ADISSP: variants seen among roughly 807,000 people sequenced by gnomAD.
The protein encoded by ADISSP is adipose-secreted signaling protein.
chr20:3,756,139 G>T, the ADISSP span, among the ~76,000 whole-genome samples: 6 of 152,206 alleles, frequency 3.9e-5, no homozygotes, highest in African/African-American at 1.4e-4. Flanking sequence ...TGGGATGAGG[G>T]ATGGGATCAA....
chr20:3,765,901 T>C, the ADISSP span, among the ~76,000 whole-genome samples: 1 of 151,936 alleles, frequency 6.6e-6, no homozygotes, highest in Non-Finnish European at 1.5e-5. Context: ...GCAAAAAAAA[T>C]TATACCCTTC....
chr20:3,762,461 C>T, the ADISSP span, among the ~76,000 whole-genome samples: 1 of 152,056 alleles, frequency 6.6e-6, no homozygotes, highest in African/African-American at 2.4e-5. Context: ...ACCGTAATCT[C>T]CCAGGCTCAA....
At chr20:3,761,338 T>TG in the ADISSP span, among the ~76,000 whole-genome samples, 4 of 149,204 alleles carry the variant, frequency 2.7e-5, no homozygotes, top group Admixed American at 2.7e-4. Context: ...TGGTTTTTGT[T>TG]TTTTTTTTTT....
chr20:3,762,328 A>G, the ADISSP span, among the ~76,000 whole-genome samples: 1 of 152,064 alleles, frequency 6.6e-6, no homozygotes. Context: ...TCTAGATAGG[A>G]AAGCAGCAAA....
the ADISSP span, among the ~76,000 whole-genome samples, chr20:3,762,492 T>G: frequency 6.6e-6 from 1 of 152,084 alleles, no homozygotes; most frequent in East Asian, 1.9e-4. Context: ...CACCCCAGCC[T>G]GCCAAGTAGC....
the ADISSP span, chr20:3,758,548 G>T: frequency 1.9e-6 from 3 of 1,613,604 alleles, no homozygotes; most frequent in Non-Finnish European, 1.7e-6. The surrounding 1 kb of genome is among the most constrained non-coding windows in gnomAD (Gnocchi z 5.5). Flanking sequence ...TGACCAGAAA[G>T]CTGCTGTCAC....
the ADISSP span, chr20:3,754,606 A>T: frequency 7.4e-6 from 10 of 1,343,392 alleles, no homozygotes; most frequent in Non-Finnish European, 1.1e-5. Context: ...ACCCACCACC[A>T]TGGGGGGACT....
chr20:3,759,183 G>A, the ADISSP span, among the ~76,000 whole-genome samples: 1 of 152,160 alleles, frequency 6.6e-6, no homozygotes, highest in African/African-American at 2.4e-5. This position sits in a 1 kb window ranked among gnomAD's most constrained non-coding sequence, Gnocchi z 4.6. Flanking sequence ...GATCTGCCTG[G>A]GGTGGCAGAA....
the ADISSP span, among the ~76,000 whole-genome samples, chr20:3,755,774 G>T: frequency 3.8e-5 from 1 of 26,538 alleles, no homozygotes; most frequent in Non-Finnish European, 1.0e-4. Context: ...CAGCCCAGTG[G>T]CCCCAGCCCT....
chr20:3,756,209 C>T, the ADISSP span, among the ~76,000 whole-genome samples: 15 of 152,366 alleles, frequency 9.8e-5, no homozygotes, highest in Admixed American at 4.6e-4. Flanking sequence ...AGGCCTGGCA[C>T]CAGCCACTGA....
chr20:3,762,552 G>A, the ADISSP span, among the ~76,000 whole-genome samples: 24 of 152,244 alleles, frequency 1.6e-4, 1 homozygote, highest in Admixed American at 1.5e-3. Context: ...TGTAGAGACA[G>A]AGTTGCCCAG....
At chr20:3,759,005 G>A in the ADISSP span, among the ~76,000 whole-genome samples, 60 of 152,308 alleles carry the variant, frequency 3.9e-4, no homozygotes, top group Non-Finnish European at 6.6e-4. The surrounding 1 kb of genome is among the most constrained non-coding windows in gnomAD (Gnocchi z 4.6). Context: ...CCAGGGCAGC[G>A]TGGGACTCAG....
chr20:3,760,345 C>G, the ADISSP span, among the ~76,000 whole-genome samples: 1 of 152,158 alleles, frequency 6.6e-6, no homozygotes, highest in Non-Finnish European at 1.5e-5. Context: ...TTCTGCCCAC[C>G]CTCTACCGAC....
the ADISSP span, among the ~76,000 whole-genome samples, chr20:3,762,444 C>T: frequency 6.6e-6 from 1 of 152,080 alleles, no homozygotes; most frequent in Non-Finnish European, 1.5e-5. Flanking sequence ...GAGTCCAGCT[C>T]ACTGCCACCG....
chr20:3,758,104 C>T, the ADISSP span, among the ~76,000 whole-genome samples: 2 of 152,172 alleles, frequency 1.3e-5, no homozygotes, highest in Non-Finnish European at 2.9e-5. This position sits in a 1 kb window ranked among gnomAD's most constrained non-coding sequence, Gnocchi z 5.5. Flanking sequence ...TTGTTATTGC[C>T]ATAGTTAGCT....
the ADISSP span, chr20:3,753,972 G>A: frequency 5.8e-6 from 6 of 1,039,188 alleles, no homozygotes; most frequent in Admixed American, 7.7e-5. Flanking sequence ...AGAGAGGGGC[G>A]AGGAAGCCAC....
the ADISSP span, among the ~76,000 whole-genome samples, chr20:3,761,669 T>C: frequency 2.0e-5 from 3 of 152,150 alleles, no homozygotes; most frequent in South Asian, 6.2e-4. Context: ...TGGCACAAGT[T>C]TGCAATGGAG....
chr20:3,753,853 CAGAG>C, the ADISSP span: 2 of 601,130 alleles, frequency 3.3e-6, no homozygotes, highest in African/African-American at 1.9e-5. Flanking sequence ...CTGAGGCACA[CAGAG>C]AGGAGGAAGT....
chr20:3,766,849 A>G, the ADISSP span, among the ~76,000 whole-genome samples: 4 of 151,958 alleles, frequency 2.6e-5, no homozygotes, highest in African/African-American at 9.7e-5. Flanking sequence ...AAAATGCCCT[A>G]CCTCCACTTT....
Sources: allele counts gnomAD v4.1 joint callset (sites outside exome capture counted in the v4.1 genomes callset), GRCh38; gene constraint gnomAD v4.1.1; non-coding constraint Gnocchi (gnomAD v3.1); transcripts MANE v1.5; gene names NCBI Gene and HGNC (gene_info 2026-07-23, HGNC 2026-07-21).